PTPRB: variants seen among roughly 807,000 people sequenced by gnomAD.
PTPRB encodes the protein protein tyrosine phosphatase receptor type B, also known as receptor-type tyrosine-protein phosphatase beta.
PTPRB carries 97 observed loss-of-function variants against 238.1 expected under a neutral mutation model. The ratio of observed to expected loss-of-function variants is 0.41; its 90% CI spans 0.35 to 0.48. The LOEUF is 0.48. PTPRB is among the 20% of genes least tolerant of loss of function. The pLI is 0.30. For missense variants in PTPRB, 2,292 were observed against 2,681.9 expected (o/e 0.85, Z 3.21); for synonymous variants, 970 against 995.4 (o/e 0.97, Z 0.48).
chr12:70,637,076 T>C (rs1885735677), intron 1 of PTPRB, among the ~76,000 whole-genome samples: 1 of 152,034 alleles, frequency 6.6e-6, no homozygotes, highest in Admixed American at 6.6e-5. Flanking sequence ...TTCCTCGGGG[T>C]TCTTTACGCT....
At position 70,520,022 on chromosome 12, in the gene PTPRB, T is replaced by A. The variant is rs544451153; in HGVS notation, c.*1467A>T. ...CTTTATGGTAGGTTACAAAAATATA[T>A]ACTTTGAAAAGAAATATACTCTTTA... On this transcript the variant is annotated 3_prime_UTR_variant, in exon 34 of 34. Transcript: ENST00000334414. 2.2e-4 allele frequency: 62 copies of A among 276,812 alleles called. No homozygotes were observed. The highest frequency in any genetic ancestry group is 2.1e-3 in the South Asian group (62 of 29,510). The allele number at this position is 276,812 out of a possible 1,614,324, so 17.1% of individuals were successfully genotyped here. A position where few individuals can be genotyped will look rare whatever the true frequency, so the allele number is the denominator to read the frequency against.
At chr12:70,563,833 G>A (rs1426433913) in intron 15 of PTPRB, among the ~76,000 whole-genome samples, 3 of 152,086 alleles carry the variant, frequency 2.0e-5, no homozygotes. Context: ...GGAATCTTCT[G>A]TCCCTTCCTC....
chr12:70,568,918 T>C (rs1879669658), intron 14 of PTPRB, among the ~76,000 whole-genome samples: 1 of 152,158 alleles, frequency 6.6e-6, no homozygotes, highest in Non-Finnish European at 1.5e-5. Context: ...GCTAGAGATC[T>C]TTCAAAAATA....
chr12:70,626,051 T>A (rs1272101023), intron 2 of PTPRB, among the ~76,000 whole-genome samples: 1 of 152,106 alleles, frequency 6.6e-6, no homozygotes, highest in Non-Finnish European at 1.5e-5. Flanking sequence ...AAAATTTTTA[T>A]AAAGATAATA....
intron 32 of PTPRB, among the ~76,000 whole-genome samples, chr12:70,528,152 T>TATTTC (rs1872675438): frequency 6.6e-6 from 1 of 152,202 alleles, no homozygotes; most frequent in South Asian, 2.1e-4. Context: ...CTGCAATGTT[T>TATTTC]ATTTCATTAT....
chr12:70,596,042 G>T lies in PTPRB; in HGVS notation c.1258+7C>A. ...AACTACTCAGCTATAAAATAAACAG[G>T]TCTTACCTGTTGATCCATTGGTATA... is the stretch of plus-strand genomic sequence containing the variant. On this transcript the variant is annotated splice_region_variant and intron_variant, in intron 5 of 33. Coordinates refer to ENST00000334414, the MANE Select transcript of PTPRB (RefSeq NM_001109754.4). 1 of 1,582,852 alleles carries T rather than the reference G, an allele frequency of 6.3e-7. No individual in the cohort carries two copies. Among genetic ancestry groups the T allele is most frequent in the South Asian group, 1.1e-5 (1 of 87,076 alleles).
chr12:70,559,697 C>T (rs34465365), intron 17 of PTPRB, 73 bp from the exon 18 acceptor site: 295,129 of 1,350,586 alleles, frequency 0.22, 32,796 homozygotes, highest in South Asian at 0.31. Context: ...GATAGCTGAG[C>T]AACATCAGAC....
At chr12:70,547,014 T>G (rs571547692) in intron 21 of PTPRB, among the ~76,000 whole-genome samples, 25 of 152,158 alleles carry the variant, frequency 1.6e-4, no homozygotes, top group African/African-American at 2.7e-4. Context: ...ACTCCTTTTT[T>G]TTTTTGTTTT....
intron 21 of PTPRB, among the ~76,000 whole-genome samples, chr12:70,549,875 T>C (rs1016674579): frequency 6.6e-6 from 1 of 151,636 alleles, no homozygotes; most frequent in Non-Finnish European, 1.5e-5. Flanking sequence ...ACAGAGATGA[T>C]GAAGCCATAA....
chr12:70,516,175 C>T lies in PTPRB; in HGVS notation c.*5314G>A, dbSNP rs536511324. ...AAAGTTCAGTTGCTGTATTTACTTA[C>T]ATTATTTATGCTTCACACAAATGAA... On this transcript the variant is annotated 3_prime_UTR_variant, in exon 34 of 34. Coordinates refer to ENST00000334414, the MANE Select transcript of PTPRB (RefSeq NM_001109754.4). 3.3e-5 allele frequency: 5 copies of T among 152,262 alleles called. No homozygotes were observed. In the South Asian group the frequency reaches 1.0e-3, roughly 32 times the overall value. The allele number at this position is 152,262 out of a possible 1,614,324, so 9.4% of individuals were successfully genotyped here.
intron 15 of PTPRB, among the ~76,000 whole-genome samples, chr12:70,564,890 A>ACAATAAATAG (rs201356644): frequency 2.0e-4 from 30 of 147,724 alleles, no homozygotes; most frequent in African/African-American, 4.7e-4. Context: ...AATAATAATA[A>ACAATAAATAG]ATAGATAGAT....
At chr12:70,618,657 C>T (rs368744141) in intron 3 of PTPRB, among the ~76,000 whole-genome samples, 3 of 152,160 alleles carry the variant, frequency 2.0e-5, no homozygotes, top group Non-Finnish European at 4.4e-5. Flanking sequence ...CCATACTTGG[C>T]GAACAATTGA....
chr12:70,538,580 GA>G, intron 27 of PTPRB: 1 of 432,832 alleles, frequency 2.3e-6, no homozygotes, highest in Non-Finnish European at 4.1e-6. Context: ...AATTTAAGTA[GA>G]AATTGCTAAC....
chr12:70,612,595 G>A (rs908473652), intron 3 of PTPRB, among the ~76,000 whole-genome samples: 3 of 151,976 alleles, frequency 2.0e-5, no homozygotes, highest in African/African-American at 4.8e-5. Flanking sequence ...TTGCCACCAG[G>A]AAACCTTTCC....
chr12:70,603,517 G>A (rs1883694792), intron 4 of PTPRB, among the ~76,000 whole-genome samples: 1 of 152,168 alleles, frequency 6.6e-6, no homozygotes, highest in African/African-American at 2.4e-5. Flanking sequence ...GCAGAGTAGT[G>A]GAAAGAATAC....
chr12:70,630,484 A>G (rs1285528323), intron 2 of PTPRB, among the ~76,000 whole-genome samples: 1 of 152,216 alleles, frequency 6.6e-6, no homozygotes, highest in Admixed American at 6.5e-5. Context: ...CAAAAACTGG[A>G]AGCATTCCCT....
chr12:70,555,091 AGATCTCCCACAT>A (rs1474049190), intron 20 of PTPRB, 57 bp downstream of exon 20: 3 of 1,512,172 alleles, frequency 2.0e-6, no homozygotes, highest in Admixed American at 2.2e-5. Flanking sequence ...TGTCACAGAA[AGATCTCCCACAT>A]GACCTCTGAG....
At chr12:70,636,361 G>A (rs1885692260) in intron 1 of PTPRB, among the ~76,000 whole-genome samples, 1 of 151,066 alleles carries the variant, frequency 6.6e-6, no homozygotes. Flanking sequence ...AAGGAAGCTT[G>A]GAAAGAAACA....
intron 18 of PTPRB, chr12:70,559,051 A>C (rs12318114): frequency 1.9e-6 from 1 of 516,960 alleles, no homozygotes. Context: ...ATTACCTAAC[A>C]AGTGTCTCCA....
Sources: gnomAD v4.1 joint callset for allele counts (sites outside exome capture counted in the v4.1 genomes callset) on GRCh38, gnomAD v4.1.1 for gene constraint, MANE v1.5 for transcripts, NCBI Gene and HGNC (gene_info 2026-07-23, HGNC 2026-07-21) for gene names.